Variants in TMEM14A observed in about 807,000 individuals in gnomAD.
TMEM14A encodes transmembrane protein 14A.
TMEM14A carries 8 observed loss-of-function variants against 11.6 expected under a neutral mutation model. The observed-to-expected ratio is 0.69, with a 90% CI of 0.40 to 1.24. The LOEUF (loss-of-function observed/expected upper bound fraction) is 1.24. Among genes scored for constraint, TMEM14A ranks in the 50% most tolerant of loss-of-function variants. The pLI, the probability that TMEM14A is intolerant of heterozygous loss-of-function variation, is 0.01. For synonymous variants in TMEM14A, 34 were observed against 45.5 expected (o/e 0.75, Z 1.02); for missense variants, 108 against 121.9 (o/e 0.89, Z 0.54).
chr6:52,672,965 G>A (rs2127261181), intron 1 of TMEM14A, among the ~76,000 whole-genome samples: 1 of 152,264 alleles, frequency 6.6e-6, no homozygotes, highest in South Asian at 2.1e-4. Flanking sequence ...CCTTTACGGG[G>A]CTTATGTGGG....
chr6:52,679,198 C>T (rs963049420), intron 2 of TMEM14A, among the ~76,000 whole-genome samples: 2 of 152,100 alleles, frequency 1.3e-5, no homozygotes, highest in African/African-American at 2.4e-5. Flanking sequence ...CAGCCAGTGG[C>T]GGGACACAGG....
At chr6:52,676,460 A>G (rs531587781) in intron 1 of TMEM14A, among the ~76,000 whole-genome samples, 7 of 152,220 alleles carry the variant, frequency 4.6e-5, no homozygotes, top group Non-Finnish European at 7.4e-5. Flanking sequence ...TGCCATGTTG[A>G]TCAGGTTGGT....
intron 4 of TMEM14A, 85 bp from the exon 5 acceptor site, chr6:52,685,925 A>G (rs905645483): frequency 2.3e-6 from 3 of 1,322,284 alleles, no homozygotes; most frequent in South Asian, 1.4e-5. Context: ...TAGTAACACT[A>G]CTGGGTAGGC....
intron 2 of TMEM14A, among the ~76,000 whole-genome samples, chr6:52,678,317 GTATGTGTGTGTT>G (rs1244049088): frequency 2.6e-3 from 84 of 31,762 alleles, no homozygotes; most frequent in African/African-American, 7.3e-3. Context: ...GAGAGTGTGT[GTATGTGTGTGTT>G]TGTGTGTGTG....
At chr6:52,683,895 G>A (rs552394195) in intron 3 of TMEM14A, among the ~76,000 whole-genome samples, 183 bp from the exon 4 acceptor site, 1 of 152,208 alleles carries the variant, frequency 6.6e-6, no homozygotes, top group Non-Finnish European at 1.5e-5. Flanking sequence ...GATTATAGGC[G>A]TAAGCCACTG....
chr6:52,677,902 T>A (rs746539504), intron 2 of TMEM14A, among the ~76,000 whole-genome samples: 20 of 152,210 alleles, frequency 1.3e-4, no homozygotes, highest in South Asian at 2.1e-4. Flanking sequence ...GCTTCCTTCC[T>A]TAAAGGCTGC....
intron 1 of TMEM14A, among the ~76,000 whole-genome samples, chr6:52,672,724 T>C (rs1449899265): frequency 1.1e-4 from 17 of 152,208 alleles, no homozygotes; most frequent in Admixed American, 1.1e-3. Flanking sequence ...CTCCTGAACT[T>C]CTGAAATCTG....
intron 2 of TMEM14A, 62 bp downstream of exon 2, chr6:52,677,234 C>A: frequency 6.5e-7 from 1 of 1,547,646 alleles, no homozygotes; most frequent in Non-Finnish European, 8.9e-7. Flanking sequence ...TGTGCTAGGT[C>A]ATGTGAGGCT....
intron 2 of TMEM14A, among the ~76,000 whole-genome samples, chr6:52,680,593 T>TATATATATATATATATATATATATA (rs1561874928): frequency 1.0e-4 from 10 of 96,524 alleles, no homozygotes; most frequent in East Asian, 3.5e-4. Flanking sequence ...ATTTATATAT[T>TATATATATATATATATATATATATA]TATATATATA....
intron 3 of TMEM14A, among the ~76,000 whole-genome samples, chr6:52,683,396 G>A (rs1230353379): frequency 6.7e-6 from 1 of 150,332 alleles, no homozygotes; most frequent in Non-Finnish European, 1.5e-5. Flanking sequence ...GGAGGTGGAG[G>A]TTGCAGTGAG....
chr6:52,680,399 A>G (rs986757296), intron 2 of TMEM14A, among the ~76,000 whole-genome samples: 2 of 151,368 alleles, frequency 1.3e-5, no homozygotes, highest in Non-Finnish European at 2.9e-5. Flanking sequence ...GGTTCCCACA[A>G]TATAGCAAAC....
intron 2 of TMEM14A, among the ~76,000 whole-genome samples, chr6:52,678,333 G>A (rs80242562): frequency 4.0e-4 from 4 of 10,110 alleles, no homozygotes; most frequent in East Asian, 8.2e-3. Flanking sequence ...GTGTGTTTGT[G>A]TGTGTGTGTG....
At chr6:52,681,735 A>G (rs534556628) in intron 2 of TMEM14A, 78 bp from the exon 3 acceptor site, 2 of 1,280,736 alleles carry the variant, frequency 1.6e-6, no homozygotes, top group South Asian at 2.5e-5. Flanking sequence ...AGGTGCCTGT[A>G]TCATACTAGA....
chr6:52,676,995 C>T (rs1037191948), intron 1 of TMEM14A, 92 bp from the exon 2 acceptor site: 31 of 1,225,452 alleles, frequency 2.5e-5, no homozygotes, highest in Non-Finnish European at 3.7e-5. Flanking sequence ...TGGGGACACA[C>T]AGCCAAACCA....
chr6:52,680,689 A>ATATATATATATATATATATG (rs1769366976), intron 2 of TMEM14A, among the ~76,000 whole-genome samples: 1 of 56,968 alleles, frequency 1.8e-5, no homozygotes, highest in African/African-American at 5.9e-5. Context: ...ATATACATAT[A>ATATATATATATATATATATG]TGTATATATA....
rs115822166 is a variant in TMEM14A at position 52,677,536 on chromosome 6, G to A, written c.70+364G>A. 2.6e-3 allele frequency among the ~76,000 whole-genome samples: 388 copies of A among 150,838 alleles called. 2 individuals carry two copies. Among genetic ancestry groups the A allele is most frequent in the African/African-American group, 8.8e-3 (363 of 41,078 alleles). ...AAAAACTGAGTTATATTGATCCTGT[G>A]TGTTGTAATGAAAACATTGTTAAAT... On this transcript the variant is annotated intron_variant, in intron 2 of 4. Coordinates refer to ENST00000211314, the MANE Select transcript of TMEM14A (RefSeq NM_014051.4).
intron 2 of TMEM14A, among the ~76,000 whole-genome samples, chr6:52,680,657 G>GTGTATATATA (rs1769357098): frequency 2.1e-5 from 1 of 46,660 alleles, no homozygotes; most frequent in Non-Finnish European, 4.1e-5. Context: ...ATATGTGTGT[G>GTGTATATATA]TATATATATG....
intron 1 of TMEM14A, among the ~76,000 whole-genome samples, chr6:52,673,088 C>T (rs927337296): frequency 1.3e-5 from 2 of 152,226 alleles, no homozygotes; most frequent in Non-Finnish European, 2.9e-5. Context: ...GCGCTCCCTT[C>T]TGCCAGGAAC....
intron 1 of TMEM14A, among the ~76,000 whole-genome samples, chr6:52,675,172 C>T (rs1343635274): frequency 6.6e-6 from 1 of 152,158 alleles, no homozygotes. Flanking sequence ...CGTGAGCTAC[C>T]TCGCCTGGCC....
Sources: allele counts gnomAD v4.1 joint callset (sites outside exome capture counted in the v4.1 genomes callset), GRCh38; gene constraint gnomAD v4.1.1; transcripts MANE v1.5; gene names NCBI Gene and HGNC (gene_info 2026-07-23, HGNC 2026-07-21).